Variants in ARHGEF28 observed in about 807,000 individuals in gnomAD.
ARHGEF28 encodes the protein Rho guanine nucleotide exchange factor 28.
A neutral mutation model predicts 206.6 loss-of-function variants in ARHGEF28; 152 were observed. The observed-to-expected ratio is 0.74, with a 90% confidence interval of 0.64 to 0.84. The LOEUF is 0.84. ARHGEF28 is among the 40% of genes least tolerant of loss of function. The pLI is 0.00. For missense variants in ARHGEF28, 2,028 were observed against 2,073.2 expected, an observed-to-expected ratio of 0.98 and a Z score of 0.42; for synonymous variants, 763 against 776.4, an observed-to-expected ratio of 0.98 and a Z score of 0.29.
intron 9 of ARHGEF28, among the ~76,000 whole-genome samples, chr5:73,824,775 G>A (rs1267660825): frequency 6.6e-6 from 1 of 151,968 alleles, no homozygotes; most frequent in Admixed American, 6.5e-5. Context: ...ACCTGAAGAT[G>A]TTTTTTTAAG....
intron 35 of ARHGEF28, among the ~76,000 whole-genome samples, chr5:73,932,482 A>G (rs1284317049): frequency 6.6e-6 from 1 of 152,174 alleles, no homozygotes; most frequent in Non-Finnish European, 1.5e-5. Context: ...AGTTCCAGGT[A>G]AAGTTATTAC....
chr5:73,646,081 T>C (rs1322817303), intron 1 of ARHGEF28, among the ~76,000 whole-genome samples: 2 of 152,170 alleles, frequency 1.3e-5, no homozygotes, highest in East Asian at 1.9e-4. Context: ...CAGAAATGGC[T>C]CCCCCTCCTG....
chr5:73,847,462 T>C (rs992934101), intron 12 of ARHGEF28, among the ~76,000 whole-genome samples: 8 of 152,174 alleles, frequency 5.3e-5, no homozygotes, highest in African/African-American at 1.9e-4. Flanking sequence ...TCCTGTATCC[T>C]TTACCCTCTG....
At position 73,773,973 on chromosome 5, in the gene ARHGEF28, G is replaced by A. The variant is rs901797276; in HGVS notation, c.594G>A (p.Glu198=). 2.5e-6 allele frequency: 4 copies of A among 1,607,156 alleles called. No homozygotes were observed. The highest frequency in any genetic ancestry group is 3.4e-6 in the Non-Finnish European group (4 of 1,176,660). ...GVQALALPNE[E]GATPLDLALR... ...AGGCCTTGGCTTTACCCAACGAAGA[G>A]GGTGCCACACCATTAGACTTAGCTT... The change falls in exon 5 of 36, where the codon GAG becomes GAA. Residue 198 remains glutamate, a synonymous_variant. Coordinates refer to ENST00000513042, the MANE Select transcript of ARHGEF28 (RefSeq NM_001177693.2).
At position 73,899,051 on chromosome 5, in the gene ARHGEF28, TTC is replaced by T. The variant is rs201585144; in HGVS notation, c.3973+960_3973+961del. On this transcript the variant is annotated intron_variant, in intron 30 of 35. Transcript: ENST00000513042. ...GCAGTATAGCTTTTTAATTCTATAC[TTC>T]TTTTTTTTTTCTTTTTTAAACATCA... 456 of 117,146 alleles carry T rather than the reference TTC, an allele frequency of 3.9e-3. 3 individuals carry two copies. The highest frequency in any genetic ancestry group is 0.017 in the African/African-American group (441 of 26,458). The allele number at this position is 117,146 out of a possible 1,614,324, so 7.3% of individuals were successfully genotyped here.
chr5:73,879,195 C>G (rs1366705697), intron 22 of ARHGEF28, among the ~76,000 whole-genome samples: 2 of 152,082 alleles, frequency 1.3e-5, no homozygotes, highest in Non-Finnish European at 1.5e-5. Flanking sequence ...TCACTGATAC[C>G]CTTCCTTCCA....
At position 73,831,110 on chromosome 5, in the gene ARHGEF28, A is replaced by G. The variant is rs922210755; in HGVS notation, c.1025-1228A>G. Reference sequence around the variant, plus strand: ...TGAACATGGTTAAAAATTGCTATCCATAATAATTACAAATTTAATAGTAAT... The same window carrying G: ...TGAACATGGTTAAAAATTGCTATCCGTAATAATTACAAATTTAATAGTAAT... On this transcript the variant is annotated intron_variant, in intron 9 of 35. Transcript: ENST00000513042. Among the ~76,000 whole-genome samples the G allele has an allele frequency of 6.6e-5, 10 of 152,334 alleles. No homozygotes were observed. The East Asian group carries it at 1.9e-3, about 29-fold the overall frequency.
chr5:73,737,487 C>CTTTTCTTTTCTT (rs1561367925), intron 2 of ARHGEF28, among the ~76,000 whole-genome samples: 3 of 118,602 alleles, frequency 2.5e-5, no homozygotes, highest in Non-Finnish European at 3.2e-5. Flanking sequence ...CTTTTCTTTT[C>CTTTTCTTTTCTT]TTTTCTTTTC....
chr5:73,795,347 T>C lies in ARHGEF28; in HGVS notation c.980T>C (p.Val327Ala). ...KEDIKRVKSL[V>A]VQHNEHEDQH... ...CTCTTCCAGCGTGTCAAAAGCCTGG[T>C]GGTTCAACACAATGAACATGAAGAC... is the stretch of plus-strand genomic sequence containing the variant. The change falls in exon 9 of 36, where the codon GTG becomes GCG. Residue 327 changes from valine to alanine, a missense_variant. Physicochemically the swap from Val to Ala is moderately conservative, Grantham distance 64. Around this residue, in one of 3 missense-constraint regions of ARHGEF28, gnomAD observed 1,002 missense variants for 1,015.3 expected, o/e 0.99. Transcript: ENST00000513042. The C allele has an allele frequency of 6.2e-7, 1 of 1,613,902 alleles. No homozygotes were observed. The highest frequency in any genetic ancestry group is 8.5e-7 in the Non-Finnish European group (1 of 1,179,828).
At chr5:73,862,049 C>T (rs776431124) in intron 16 of ARHGEF28, among the ~76,000 whole-genome samples, 1 of 152,108 alleles carries the variant, frequency 6.6e-6, no homozygotes, top group Non-Finnish European at 1.5e-5. Context: ...TATAAAACAA[C>T]ACATAGTATT....
intron 35 of ARHGEF28, among the ~76,000 whole-genome samples, chr5:73,925,377 C>G (rs1000686026): frequency 2.0e-5 from 3 of 152,332 alleles, no homozygotes; most frequent in East Asian, 3.9e-4. Context: ...AGAATATTCT[C>G]TCCTCCACCT....
intron 23 of ARHGEF28, among the ~76,000 whole-genome samples, chr5:73,882,944 T>C (rs1018447094): frequency 1.3e-5 from 2 of 152,178 alleles, no homozygotes; most frequent in Admixed American, 1.3e-4. Context: ...AGCAGATTCA[T>C]GACATCATAT....
chr5:73,930,516 T>G (rs923113943), intron 35 of ARHGEF28, among the ~76,000 whole-genome samples: 2 of 152,212 alleles, frequency 1.3e-5, no homozygotes, highest in African/African-American at 4.8e-5. Context: ...GATTTTGTAC[T>G]TTGAGTGGTT....
Position 73,922,395 on chromosome 5 carries a change from A to G in ARHGEF28, c.4948+10820A>G, listed in dbSNP as rs142869314. On this transcript the variant is annotated intron_variant, in intron 35 of 35. Transcript: ENST00000513042. ...CTGGGAATACACTGACATTTGCTAG[A>G]GGCAGATGGCAGAAGATAGGATAGC... Among the ~76,000 whole-genome samples the G allele has an allele frequency of 3.9e-3, 594 of 152,364 alleles. 4 individuals are homozygous for G. The highest frequency in any genetic ancestry group is 0.013 in the African/African-American group (556 of 41,584).
chr5:73,923,282 G>T, intron 35 of ARHGEF28: 1 of 884,824 alleles, frequency 1.1e-6, no homozygotes, highest in South Asian at 2.1e-5. Context: ...GATAAAGCAT[G>T]GTAAAAAAAA....
chr5:73,771,547 C>CAAA (rs59263206), intron 4 of ARHGEF28, among the ~76,000 whole-genome samples: 2 of 139,942 alleles, frequency 1.4e-5, no homozygotes, highest in African/African-American at 5.3e-5. Context: ...GACTCCATCT[C>CAAA]AAAAAAAAAA....
intron 1 of ARHGEF28, among the ~76,000 whole-genome samples, chr5:73,664,530 A>G (rs2112198510): frequency 6.6e-6 from 1 of 152,276 alleles, no homozygotes; most frequent in African/African-American, 2.4e-5. Flanking sequence ...GGTATAATAT[A>G]TGGTTGTAAA....
intron 22 of ARHGEF28, among the ~76,000 whole-genome samples, chr5:73,874,934 A>C (rs1346305878): frequency 6.6e-6 from 1 of 151,918 alleles, no homozygotes; most frequent in Non-Finnish European, 1.5e-5. Context: ...GTATATATCC[A>C]GTGATGGGAT....
intron 2 of ARHGEF28, among the ~76,000 whole-genome samples, chr5:73,741,200 G>A (rs1751355737): frequency 6.6e-6 from 1 of 151,680 alleles, no homozygotes; most frequent in African/African-American, 2.4e-5. Flanking sequence ...GGTCTTGTGA[G>A]GAATCTGGAG....
Sources: gnomAD v4.1 joint callset for allele counts (sites outside exome capture counted in the v4.1 genomes callset) on GRCh38, gnomAD v4.1.1 for gene constraint, gnomAD v4.1.1 regional missense constraint, MANE v1.5 for transcripts, NCBI Gene and HGNC (gene_info 2026-07-23, HGNC 2026-07-21) for gene names.